Variants in PTPRN2 observed in about 807,000 individuals in gnomAD.
PTPRN2 encodes protein tyrosine phosphatase receptor type N2.
In PTPRN2, 74 loss-of-function variants were observed where a neutral mutation model predicts 118.8. The observed-to-expected ratio is 0.62, with a 90% CI of 0.52 to 0.76. The LOEUF (loss-of-function observed/expected upper bound fraction) is 0.76, where lower values mean the gene tolerates loss of function less well. PTPRN2 is among the 30% of genes least tolerant of loss of function. PTPRN2 has a pLI of 0.00. For synonymous variants in PTPRN2, 641 were observed against 608.0 expected (o/e 1.05, Z -0.80); for missense variants, 1,481 against 1,394.4 (o/e 1.06, Z -0.99).
intron 3 of PTPRN2, among the ~76,000 whole-genome samples, chr7:158,212,032 C>T (rs1211254498): frequency 6.6e-6 from 1 of 152,100 alleles, no homozygotes; most frequent in Admixed American, 6.6e-5. Flanking sequence ...TACTATTCAG[C>T]CATAAAAAGG....
At chr7:157,829,503 G>A (rs1443177634) in intron 12 of PTPRN2, among the ~76,000 whole-genome samples, 3 of 152,248 alleles carry the variant, frequency 2.0e-5, no homozygotes, top group African/African-American at 2.4e-5. Flanking sequence ...GGACAAGGCT[G>A]TCATTAAAGC....
intron 11 of PTPRN2, among the ~76,000 whole-genome samples, chr7:158,045,341 G>A (rs1025055760): frequency 6.6e-6 from 1 of 152,218 alleles, no homozygotes; most frequent in Non-Finnish European, 1.5e-5. Flanking sequence ...TTGGAAAGAT[G>A]TTTACATTAA....
chr7:158,327,325 G>A (rs561108672), intron 2 of PTPRN2, among the ~76,000 whole-genome samples: 1 of 142,262 alleles, frequency 7.0e-6, no homozygotes, highest in Non-Finnish European at 1.5e-5. Flanking sequence ...ATTCTCACAT[G>A]CACACACGTG....
At chr7:157,959,184 G>A (rs1801368802) in intron 11 of PTPRN2, among the ~76,000 whole-genome samples, 1 of 152,140 alleles carries the variant, frequency 6.6e-6, no homozygotes. Context: ...GAATAAAGCT[G>A]GACCTGTAAC....
intron 1 of PTPRN2, among the ~76,000 whole-genome samples, chr7:158,500,956 G>A (rs1210965387): frequency 6.6e-6 from 1 of 152,258 alleles, no homozygotes; most frequent in Non-Finnish European, 1.5e-5. Flanking sequence ...GCTTGCACAC[G>A]CGAGGGTGTG....
chr7:157,819,989 C>CCA (rs992698720), intron 12 of PTPRN2, among the ~76,000 whole-genome samples: 1 of 150,500 alleles, frequency 6.6e-6, no homozygotes, highest in Admixed American at 6.6e-5. Context: ...CACAACACAC[C>CCA]CACACACACA....
intron 2 of PTPRN2, among the ~76,000 whole-genome samples, chr7:158,379,117 G>A (rs1982448): frequency 0.88 from 133,439 of 152,146 alleles, 58,861 homozygotes; most frequent in East Asian, 0.99. Flanking sequence ...GTGCATGGAA[G>A]GGGTGGGAGA....
intron 11 of PTPRN2, among the ~76,000 whole-genome samples, chr7:158,001,500 C>T (rs1805257199): frequency 6.6e-6 from 1 of 152,114 alleles, no homozygotes; most frequent in Admixed American, 6.5e-5. Flanking sequence ...TACCCATGAC[C>T]CCTCAGGACC....
chr7:157,548,880 T>G, intron 22 of PTPRN2, 66 bp downstream of exon 22: 1 of 1,478,602 alleles, frequency 6.8e-7, no homozygotes, highest in South Asian at 1.1e-5. Flanking sequence ...CGTGCTCCTC[T>G]CAGGAACACG....
chr7:158,306,885 T>A (rs1332181586), intron 3 of PTPRN2, among the ~76,000 whole-genome samples: 8 of 88,024 alleles, frequency 9.1e-5, no homozygotes, highest in East Asian at 2.9e-4. Flanking sequence ...TTTTTTTTTT[T>A]AGACAGAGTC....
chr7:157,866,043 A>G (rs1042051429), intron 12 of PTPRN2: 1 of 152,284 alleles, frequency 6.6e-6, no homozygotes, highest in African/African-American at 2.4e-5. Context: ...CTTTAGAACA[A>G]GGACCTTTCC....
intron 11 of PTPRN2, among the ~76,000 whole-genome samples, chr7:158,045,893 A>G (rs1808816604): frequency 6.8e-6 from 1 of 146,712 alleles, no homozygotes; most frequent in African/African-American, 2.6e-5. Flanking sequence ...CAGGAGCAGA[A>G]CCTGCGATCC....
At chr7:157,702,165 G>T (rs1239313654) in intron 12 of PTPRN2, among the ~76,000 whole-genome samples, 1 of 148,000 alleles carries the variant, frequency 6.8e-6, no homozygotes, top group Non-Finnish European at 1.5e-5. Context: ...TAACTGACAC[G>T]GGCTGTGGGT....
rs149653481 is a variant in PTPRN2, at chr7:158,532,061, G to A, written c.113-42276C>T. On this transcript the variant is annotated intron_variant, in intron 1 of 22. Transcript: ENST00000389418. Reference sequence around the variant, plus strand: ...ATTCTTAGAATAGGTTTTTGCCACAGTGAAAACTGAATAAACAACAAAGTC... The same window carrying A: ...ATTCTTAGAATAGGTTTTTGCCACAATGAAAACTGAATAAACAACAAAGTC... Among the ~76,000 whole-genome samples, 282 of 152,346 alleles carry A rather than the reference G, an allele frequency of 1.9e-3. 1 individual carries two copies. The highest frequency in any genetic ancestry group is 6.3e-3 in the African/African-American group (261 of 41,582).
At chr7:157,751,925 T>C (rs1801493759) in intron 12 of PTPRN2, among the ~76,000 whole-genome samples, 1 of 151,920 alleles carries the variant, frequency 6.6e-6, no homozygotes, top group Admixed American at 6.6e-5. Flanking sequence ...GGGCAGATGC[T>C]TCCATAGACA....
intron 22 of PTPRN2, among the ~76,000 whole-genome samples, chr7:157,542,147 G>A (rs1235724044): frequency 6.6e-6 from 1 of 152,158 alleles, no homozygotes; most frequent in Non-Finnish European, 1.5e-5. Context: ...GGCTCAGGTC[G>A]GGCTGTGCCG....
At chr7:158,520,244 G>A (rs189641964) in intron 1 of PTPRN2, among the ~76,000 whole-genome samples, 144 of 152,354 alleles carry the variant, frequency 9.5e-4, no homozygotes, top group South Asian at 1.4e-3. Flanking sequence ...CTTGAACAAG[G>A]TGCATTGGCA....
chr7:157,788,555 C>A (rs1337854221), intron 12 of PTPRN2, among the ~76,000 whole-genome samples: 1 of 152,154 alleles, frequency 6.6e-6, no homozygotes, highest in Non-Finnish European at 1.5e-5. Flanking sequence ...CCAAAGAGTC[C>A]CCCACGACCT....
intron 17 of PTPRN2, 131 bp downstream of exon 17, chr7:157,595,107 C>T: frequency 1.2e-6 from 1 of 815,294 alleles, no homozygotes; most frequent in Non-Finnish European, 2.0e-6. Flanking sequence ...GACTGAAATT[C>T]TGATATAAGT....
Sources: gnomAD v4.1 joint callset for allele counts (sites outside exome capture counted in the v4.1 genomes callset) on GRCh38, gnomAD v4.1.1 for gene constraint, MANE v1.5 for transcripts, NCBI Gene and HGNC (gene_info 2026-07-23, HGNC 2026-07-21) for gene names.